LAMA2: variants seen among roughly 807,000 people sequenced by gnomAD.
LAMA2 encodes laminin subunit alpha 2.
LAMA2 carries 269 observed loss-of-function variants against 364.8 expected under a neutral mutation model. The observed-to-expected ratio is 0.74, with a 90% CI of 0.67 to 0.82. The LOEUF is 0.82. Ranked by LOEUF, LAMA2 falls within the 40% of genes least tolerant of loss-of-function variation. The probability of loss-of-function intolerance (pLI) is 0.00; values close to 1 mark genes in which losing one functional copy is unlikely to be tolerated. For synonymous variants in LAMA2, 1,379 were observed against 1,370.6 expected, an observed-to-expected ratio of 1.01 and a Z score of -0.14; for missense variants, 3,807 against 3,873.2, an observed-to-expected ratio of 0.98 and a Z score of 0.45.
chr6:129,130,373 A>G (rs1398376108), intron 4 of LAMA2, among the ~76,000 whole-genome samples: 1 of 152,244 alleles, frequency 6.6e-6, no homozygotes, highest in African/African-American at 2.4e-5. Flanking sequence ...ATCTCTCCAC[A>G]TAAGCAATAG....
chr6:129,088,712 A>T lies in LAMA2; in HGVS notation c.397-9461A>T, dbSNP rs1438001858. 2.7e-5 allele frequency among the ~76,000 whole-genome samples: 4 copies of T among 150,280 alleles called. No homozygotes were observed. In the South Asian group the frequency reaches 6.3e-4, roughly 24 times the overall value. On this transcript the variant is annotated intron_variant, in intron 3 of 64. Transcript: ENST00000421865. ...GGCGGAGGGGTTCCTCACTTCTCAG[A>T]TGGGGCGGCTGCCGGGCAGAGGGGC...
chr6:129,127,156 T>G (rs943237110), intron 4 of LAMA2, among the ~76,000 whole-genome samples: 4 of 152,226 alleles, frequency 2.6e-5, no homozygotes, highest in Admixed American at 6.5e-5. Flanking sequence ...TGGCTTTTAC[T>G]CACCATGCTG....
At chr6:129,395,789 T>G (rs902876613) in intron 37 of LAMA2, among the ~76,000 whole-genome samples, 2 of 152,136 alleles carry the variant, frequency 1.3e-5, no homozygotes, top group Non-Finnish European at 2.9e-5. Flanking sequence ...GGATAAGCAC[T>G]GGGTCACAGA....
chr6:129,059,220 G>A (rs1013857300), intron 2 of LAMA2, among the ~76,000 whole-genome samples: 2 of 151,952 alleles, frequency 1.3e-5, no homozygotes, highest in African/African-American at 4.8e-5. Flanking sequence ...CTATATTTTC[G>A]GGTATTGGTT....
intron 41 of LAMA2, among the ~76,000 whole-genome samples, chr6:129,431,674 G>A (rs950226477): frequency 2.6e-5 from 4 of 152,072 alleles, no homozygotes; most frequent in African/African-American, 9.7e-5. Context: ...ACTAAAAAAA[G>A]AATCTATTCC....
intron 3 of LAMA2, among the ~76,000 whole-genome samples, chr6:129,076,016 G>T (rs1582995699): frequency 1.3e-5 from 2 of 152,054 alleles, no homozygotes; most frequent in Non-Finnish European, 2.9e-5. Flanking sequence ...GGTCCAGGAG[G>T]TCAAGGCTGC....
chr6:129,018,112 G>A (rs575674650), intron 1 of LAMA2, among the ~76,000 whole-genome samples: 52 of 151,664 alleles, frequency 3.4e-4, no homozygotes, highest in African/African-American at 1.3e-3. Context: ...AAGAGGAGAT[G>A]TGTTAAACAA....
At chr6:128,966,238 A>T (rs1781833733) in intron 1 of LAMA2, among the ~76,000 whole-genome samples, 1 of 151,918 alleles carries the variant, frequency 6.6e-6, no homozygotes, top group Non-Finnish European at 1.5e-5. Flanking sequence ...TCTTTTTGCT[A>T]AGTAATATTC....
Position 129,216,383 on chromosome 6 carries a change from TG to T in LAMA2, c.1782+23532del, listed in dbSNP as rs572184634. ...TTCCTATAATTAAACTGATGTTCTTTGGAATGAGGATGGAGACACATAGTTA... is the reference window on the plus strand; with the variant it reads ...TTCCTATAATTAAACTGATGTTCTTTGAATGAGGATGGAGACACATAGTTA... On this transcript the variant is annotated intron_variant, in intron 12 of 64. Transcript: ENST00000421865. 5.6e-4 allele frequency among the ~76,000 whole-genome samples: 85 copies of T among 152,332 alleles called. No individual in the cohort carries two copies. The South Asian group carries it at 0.017, about 31-fold the overall frequency.
chr6:129,362,003 C>T (rs891329337), intron 32 of LAMA2, among the ~76,000 whole-genome samples: 1 of 151,860 alleles, frequency 6.6e-6, no homozygotes, highest in Non-Finnish European at 1.5e-5. Flanking sequence ...AGGCTGGTCT[C>T]AAACTTCTCA....
At chr6:129,412,560 A>G (rs1208974481) in intron 40 of LAMA2, among the ~76,000 whole-genome samples, 1 of 152,234 alleles carries the variant, frequency 6.6e-6, no homozygotes, top group Non-Finnish European at 1.5e-5. Context: ...AAAAGACAAA[A>G]AAAGAGAAAA....
intron 4 of LAMA2, among the ~76,000 whole-genome samples, chr6:129,138,098 C>T (rs1777909672): frequency 1.3e-5 from 2 of 151,410 alleles, no homozygotes; most frequent in Admixed American, 1.3e-4. Flanking sequence ...ATAAGATAGA[C>T]CATGACACAG....
chr6:129,358,523 A>G (rs1278485405), intron 32 of LAMA2, among the ~76,000 whole-genome samples: 1 of 152,022 alleles, frequency 6.6e-6, no homozygotes, highest in Non-Finnish European at 1.5e-5. Flanking sequence ...AAATAAGTAA[A>G]CTAGCCTAGC....
rs766010255 is a variant in LAMA2 at position 129,165,703 on chromosome 6, T to A, written c.1306+28T>A. 3 of 1,406,552 alleles carry A rather than the reference T, an allele frequency of 2.1e-6. 1 individual carries two copies. In the South Asian group the frequency reaches 3.5e-5, roughly 16 times the overall value. The allele number at this position is 1,406,552 out of a possible 1,614,324, so 87.1% of individuals were successfully genotyped here. On this transcript the variant is annotated intron_variant, in intron 9 of 64. Transcript: ENST00000421865. The stretch of plus-strand genomic sequence containing the variant: ...GAGAGCTGCAGCAGAATGTCACTGC[T>A]CTGATAAAAGGACAACTAAAAGCCA...
intron 2 of LAMA2, among the ~76,000 whole-genome samples, chr6:129,051,566 C>A (rs1788020381): frequency 6.7e-6 from 1 of 149,734 alleles, no homozygotes; most frequent in Non-Finnish European, 1.5e-5. Flanking sequence ...CCGCTTCAGC[C>A]TCCCAATAGA....
At chr6:129,292,021 TC>T (rs1789733519) in intron 20 of LAMA2, among the ~76,000 whole-genome samples, 1 of 152,218 alleles carries the variant, frequency 6.6e-6, no homozygotes, top group African/African-American at 2.4e-5. Flanking sequence ...AGATACTCTT[TC>T]CTTTGCCTTT....
chr6:129,454,205 G>T lies in LAMA2; in HGVS notation c.6624G>T (p.Trp2208Cys). The T allele has an allele frequency of 6.2e-7, 1 of 1,612,414 alleles. No homozygotes were observed. The highest frequency in any genetic ancestry group is 8.5e-7 in the Non-Finnish European group (1 of 1,178,728). Residue 2208 changes from tryptophan (W) to cysteine (C), a missense_variant, in exon 47 of 65, where the codon TGG becomes TGT. This residue lies in a region of LAMA2 where 3,333 missense variants were observed against 3,345.7 expected (regional missense o/e 1.00). Transcript: ENST00000421865. ...EMRKGKVSFL[W>C]DVGSGVGRVE... ...GTAAAGGCAAAGTCAGCTTCCTCTG[G>T]GATGTTGGATCTGGAGTTGGACGTG... is the stretch of plus-strand genomic sequence containing the variant.
intron 58 of LAMA2, among the ~76,000 whole-genome samples, chr6:129,497,686 A>G (rs1420311454): frequency 6.6e-6 from 1 of 152,110 alleles, no homozygotes; most frequent in Non-Finnish European, 1.5e-5. Context: ...TCTTCTTTAC[A>G]CCCATCACAC....
chr6:129,450,167 T>A (rs1782602301), intron 45 of LAMA2, among the ~76,000 whole-genome samples: 1 of 151,926 alleles, frequency 6.6e-6, no homozygotes, highest in South Asian at 2.1e-4. Context: ...GTTTTTTTTT[T>A]TTTACCAGGC....
Sources: gnomAD v4.1 joint callset for allele counts (sites outside exome capture counted in the v4.1 genomes callset) on GRCh38, gnomAD v4.1.1 for gene constraint, gnomAD v4.1.1 regional missense constraint, MANE v1.5 for transcripts, NCBI Gene and HGNC (gene_info 2026-07-23, HGNC 2026-07-21) for gene names.